EXD3: variants seen among roughly 807,000 people sequenced by gnomAD.
EXD3 encodes the protein exonuclease mut-7 homolog.
In EXD3, 92 loss-of-function variants were observed where a neutral mutation model predicts 98.0. The ratio of observed to expected loss-of-function variants is 0.94; its 90% CI spans 0.79 to 1.12. The LOEUF (loss-of-function observed/expected upper bound fraction) is 1.12. EXD3 is among the 50% of genes most tolerant of loss of function. The pLI, the probability that EXD3 is intolerant of heterozygous loss-of-function variation, is 0.00. For missense variants in EXD3, 1,222 were observed against 1,191.6 expected (o/e 1.03, Z -0.38); for synonymous variants, 569 against 526.0 (o/e 1.08, Z -1.12).
chr9:137,315,791 GC>G (rs1243660501), intron 19 of EXD3, among the ~76,000 whole-genome samples: 1 of 151,962 alleles, frequency 6.6e-6, no homozygotes, highest in East Asian at 1.9e-4. Context: ...AGGGTCAGGA[GC>G]CCCAGACCCC....
In EXD3 at chr9:137,334,873, C is replaced by T. The variant is rs1833273415; in HGVS notation, c.1999-10730G>A. 2.6e-5 allele frequency among the ~76,000 whole-genome samples: 4 copies of T among 151,944 alleles called. No homozygotes were observed. In the South Asian group the frequency reaches 8.3e-4, roughly 32 times the overall value. On this transcript the variant is annotated intron_variant, in intron 17 of 21. Coordinates refer to ENST00000340951, the MANE Select transcript of EXD3 (RefSeq NM_017820.5). ...CGGGCGGATCACGAGGTCAGGAGAT[C>T]GAGACCATCCTGGCTAACACAGTGA...
At chr9:137,413,532 G>A (rs554063182) in intron 1 of EXD3, among the ~76,000 whole-genome samples, 1 of 147,668 alleles carries the variant, frequency 6.8e-6, no homozygotes, top group Non-Finnish European at 1.5e-5. Context: ...TTGAGACAGG[G>A]TCTCGCTCTG....
At chr9:137,331,435 AAG>A (rs2119151551) in intron 17 of EXD3, among the ~76,000 whole-genome samples, 1 of 152,262 alleles carries the variant, frequency 6.6e-6, no homozygotes, top group South Asian at 2.1e-4. Context: ...AAAGACAAGA[AAG>A]AGAGGGCATC....
chr9:137,324,215 C>A lies in EXD3; in HGVS notation c.1999-72G>T. On this transcript the variant is annotated intron_variant, in intron 17 of 21. Transcript: ENST00000340951. The surrounding 1 kb of genome is among the most constrained non-coding windows in gnomAD (Gnocchi z 4.1). ...CCTGGACTGGGCCACCTCTGCTCGCCACCCCCTAGCTCCCCGGATCGTGGC... is the reference window on the plus strand; with the variant it reads ...CCTGGACTGGGCCACCTCTGCTCGCAACCCCCTAGCTCCCCGGATCGTGGC... 7.6e-7 allele frequency: 1 copy of A among 1,312,256 alleles called. No individual in the cohort carries two copies. The highest frequency in any genetic ancestry group is 1.3e-5 in the South Asian group (1 of 77,276). The allele number at this position is 1,312,256 out of a possible 1,614,324, so 81.3% of individuals were successfully genotyped here.
chr9:137,419,954 T>G (rs920473470), intron 1 of EXD3, among the ~76,000 whole-genome samples: 6 of 152,000 alleles, frequency 3.9e-5, no homozygotes, highest in South Asian at 4.1e-4. Context: ...GGTCAGGAGA[T>G]CGAGACCATC....
chr9:137,323,515 C>T (rs1247801089), intron 19 of EXD3, among the ~76,000 whole-genome samples: 9 of 104,010 alleles, frequency 8.7e-5, no homozygotes, highest in Non-Finnish European at 1.3e-4. Context: ...CGACACCTCA[C>T]CCCGGACCCA....
chr9:137,376,343 CAAAA>C (rs765888922), intron 3 of EXD3, among the ~76,000 whole-genome samples: 1 of 39,960 alleles, frequency 2.5e-5, no homozygotes, highest in African/African-American at 8.8e-5. Context: ...GACTCTGTCT[CAAAA>C]AAAAAAAAAA....
chr9:137,375,078 G>A (rs915329525), intron 3 of EXD3, among the ~76,000 whole-genome samples: 1 of 151,750 alleles, frequency 6.6e-6, no homozygotes, highest in Non-Finnish European at 1.5e-5. Flanking sequence ...GCGCGATCTC[G>A]ACTCACTGCA....
In EXD3 at chr9:137,347,528, C is replaced by T. The variant is rs1030507505; in HGVS notation, c.1998+543G>A. Among the ~76,000 whole-genome samples the T allele has an allele frequency of 2.4e-4, 37 of 152,064 alleles. No individual in the cohort carries two copies. Among genetic ancestry groups the T allele is most frequent in the Admixed American group, 2.0e-4 (3 of 15,244 alleles). ...GCGTGATCTCAGCTCACTGTAACCTCTGCCTCCGGTGTTTAAGCGATTCTC... is the reference window on the plus strand; with the variant it reads ...GCGTGATCTCAGCTCACTGTAACCTTTGCCTCCGGTGTTTAAGCGATTCTC... On this transcript the variant is annotated intron_variant, in intron 17 of 21. Transcript: ENST00000340951. The surrounding 1 kb of genome is among the most constrained non-coding windows in gnomAD (Gnocchi z 4.2).
intron 17 of EXD3, among the ~76,000 whole-genome samples, chr9:137,335,157 C>A (rs546749897): frequency 6.6e-6 from 1 of 151,474 alleles, no homozygotes; most frequent in South Asian, 2.1e-4. Flanking sequence ...ATGCATCTAA[C>A]GAAGAGGTAA....
chr9:137,373,198 T>C (rs28688091), intron 4 of EXD3, 126 bp from the exon 5 acceptor site: 482,432 of 1,246,968 alleles, frequency 0.39, 95,737 homozygotes, highest in African/African-American at 0.53. Context: ...CATCGGGTGG[T>C]CTGCAGGGCT....
chr9:137,336,137 G>T (rs1833341770), intron 17 of EXD3, among the ~76,000 whole-genome samples: 1 of 152,146 alleles, frequency 6.6e-6, no homozygotes, highest in Non-Finnish European at 1.5e-5. Flanking sequence ...GAGGCTCAGA[G>T]GTGGGGAGGG....
intron 19 of EXD3, among the ~76,000 whole-genome samples, chr9:137,310,826 G>A (rs1174490876): frequency 6.6e-6 from 1 of 152,200 alleles, no homozygotes; most frequent in Non-Finnish European, 1.5e-5. Flanking sequence ...GCACCCTGGG[G>A]AGGAGGTGGG....
At chr9:137,396,421 T>G (rs1271573848) in intron 1 of EXD3, among the ~76,000 whole-genome samples, 2 of 152,224 alleles carry the variant, frequency 1.3e-5, no homozygotes, top group African/African-American at 4.8e-5. Flanking sequence ...GCTCAGCATG[T>G]GAACTCCGAA....
chr9:137,348,023 G>A (rs1834023478), intron 17 of EXD3, 48 bp downstream of exon 17: 4 of 1,572,940 alleles, frequency 2.5e-6, no homozygotes, highest in Admixed American at 1.9e-5. Context: ...CCTGTGCTAG[G>A]GGCAGCTGCA....
chr9:137,372,203 C>T (rs1015465847), intron 5 of EXD3, among the ~76,000 whole-genome samples: 6 of 152,342 alleles, frequency 3.9e-5, no homozygotes, highest in South Asian at 2.1e-4. Flanking sequence ...CCACCTCTCC[C>T]GCCAGCAGCC....
At position 137,320,442 on chromosome 9, in the gene EXD3, C is replaced by T. The variant is rs183094466; in HGVS notation, c.2184+3283G>A. Among the ~76,000 whole-genome samples the T allele has an allele frequency of 2.8e-4, 42 of 152,332 alleles. 1 individual carries two copies. Among genetic ancestry groups the T allele is most frequent in the African/African-American group, 9.1e-4 (38 of 41,574 alleles). Reference sequence around the variant, plus strand: ...GCCCCCCACGGGGGTGCAGCTCTGGCCTTAGCCCCTCCCAGGCCTGCTCTA... The same window carrying T: ...GCCCCCCACGGGGGTGCAGCTCTGGTCTTAGCCCCTCCCAGGCCTGCTCTA... On this transcript the variant is annotated intron_variant, in intron 19 of 21. Transcript: ENST00000340951.
In EXD3 at chr9:137,351,100, C is replaced by G; in HGVS notation, c.1432G>C (p.Ala478Pro). 3 of 1,583,866 alleles carry G rather than the reference C, an allele frequency of 1.9e-6. No homozygotes were observed. Among genetic ancestry groups the G allele is most frequent in the Non-Finnish European group, 1.7e-6 (2 of 1,165,902 alleles). The change falls in exon 14 of 22, where the codon GCC becomes CCC. Residue 478 changes from alanine to proline, a missense_variant. By Grantham distance (27) the Ala-to-Pro change is conservative (BLOSUM62 -1). Coordinates refer to ENST00000340951, the MANE Select transcript of EXD3 (RefSeq NM_017820.5). ...ATCTGCTTCTCCACATGGGCCAGGG[C>G]GGGGCAGGACGTGCCCAGTTTTTGC... ...DLQKLGTSCP[A>P]LAHVEKQILG...
At chr9:137,311,078 C>A (rs1188470298) in intron 19 of EXD3, among the ~76,000 whole-genome samples, 1 of 152,226 alleles carries the variant, frequency 6.6e-6, no homozygotes, top group Non-Finnish European at 1.5e-5. Context: ...GCACTACCTG[C>A]CTCCAGCATT....
Sources: gnomAD v4.1 joint callset for allele counts (sites outside exome capture counted in the v4.1 genomes callset) on GRCh38, gnomAD v4.1.1 for gene constraint, Gnocchi (gnomAD v3.1) non-coding constraint, MANE v1.5 for transcripts, NCBI Gene and HGNC (gene_info 2026-07-23, HGNC 2026-07-21) for gene names.